Variants in DSTN observed in about 807,000 individuals in gnomAD.
The protein encoded by DSTN is destrin, actin depolymerizing factor.
Under a neutral mutation model 16.8 loss-of-function variants are expected in DSTN, and 10 were observed. The ratio of observed to expected loss-of-function variants is 0.60; its 90% confidence interval spans 0.37 to 1.01. DSTN has a LOEUF of 1.01. Among genes scored for constraint, DSTN ranks in the 50% least tolerant of loss-of-function variants. The probability of loss-of-function intolerance (pLI) is 0.01; values close to 1 mark genes in which losing one functional copy is unlikely to be tolerated. For missense variants in DSTN, 141 were observed against 196.7 expected (o/e 0.72, Z 1.69); for synonymous variants, 57 against 58.9 (o/e 0.97, Z 0.14).
chr20:17,572,532 TG>T (rs2035218853), intron 1 of DSTN, among the ~76,000 whole-genome samples: 1 of 152,176 alleles, frequency 6.6e-6, no homozygotes, highest in Non-Finnish European at 1.5e-5. Flanking sequence ...GTCTTGCCCC[TG>T]AAGTAGAGTT....
chr20:17,597,613 T>G (rs1293761259), intron 1 of DSTN, among the ~76,000 whole-genome samples: 1 of 152,218 alleles, frequency 6.6e-6, no homozygotes, highest in Non-Finnish European at 1.5e-5. Context: ...CCCCTGGCTC[T>G]CCATTGTCTT....
intron 1 of DSTN, among the ~76,000 whole-genome samples, chr20:17,572,551 T>G (rs1328996465): frequency 6.6e-6 from 1 of 152,126 alleles, no homozygotes; most frequent in African/African-American, 2.4e-5. Flanking sequence ...GTTAAAAGGT[T>G]TGCACGATAA....
intron 1 of DSTN, among the ~76,000 whole-genome samples, chr20:17,585,437 T>G (rs1388633133): frequency 6.6e-6 from 1 of 152,172 alleles, no homozygotes; most frequent in Admixed American, 6.5e-5. Flanking sequence ...CAGAGAGAAC[T>G]AAGACAGCTT....
chr20:17,587,646 C>CT (rs1568734321), intron 1 of DSTN, among the ~76,000 whole-genome samples: 1 of 148,604 alleles, frequency 6.7e-6, no homozygotes, highest in African/African-American at 2.5e-5. Flanking sequence ...TTTTTTTTTT[C>CT]TTTTTTTCTC....
intron 1 of DSTN, among the ~76,000 whole-genome samples, chr20:17,587,381 A>G (rs2035422254): frequency 6.6e-6 from 1 of 152,112 alleles, no homozygotes; most frequent in Non-Finnish European, 1.5e-5. Context: ...ATCCTCCCTC[A>G]TCACCTGAGT....
At chr20:17,601,503 C>T (rs1233991757) in intron 2 of DSTN, among the ~76,000 whole-genome samples, 1 of 152,160 alleles carries the variant, frequency 6.6e-6, no homozygotes, top group African/African-American at 2.4e-5. Flanking sequence ...ATAATTTGCT[C>T]TACAGTTGCA....
chr20:17,605,344 G>A (rs536015467), intron 3 of DSTN: 76 of 341,216 alleles, frequency 2.2e-4, no homozygotes, highest in African/African-American at 1.6e-3. Flanking sequence ...CTCAGCTGTA[G>A]AAGGGGAGAC....
rs6044904 is a variant in DSTN at position 17,609,374 on chromosome 20, T to A, written c.*2228T>A. On this transcript the variant is annotated 3_prime_UTR_variant, in exon 4 of 4. Coordinates refer to ENST00000246069, the MANE Select transcript of DSTN (RefSeq NM_006870.4). Reference sequence around the variant, plus strand: ...GTGAGCCACTGTGTCCTGCTAGTGATTGTGATTAACAGGCCTCCAGGGAAG... The same window carrying A: ...GTGAGCCACTGTGTCCTGCTAGTGAATGTGATTAACAGGCCTCCAGGGAAG... 51,959 of 151,984 alleles carry A rather than the reference T, an allele frequency of 0.34. 9,476 individuals are homozygous for A. The highest frequency in any genetic ancestry group is 0.62 in the East Asian group (3,229 of 5,172). 9.4% of individuals were successfully genotyped at this position (151,984 alleles called of 1,614,324 possible). A position where few individuals can be genotyped will look rare whatever the true frequency, so the allele number is the denominator to read the frequency against.
In DSTN at chr20:17,608,331, AATT is replaced by A. The variant is rs1168930620; in HGVS notation, c.*1187_*1189del. The A allele has an allele frequency of 1.3e-5, 2 of 152,192 alleles. No homozygotes were observed. Among genetic ancestry groups the A allele is most frequent in the Non-Finnish European group, 2.9e-5 (2 of 68,050 alleles). 9.4% of individuals were successfully genotyped at this position (152,192 alleles called of 1,614,324 possible). ...GCATTGAGGTTTGGGTATTTCCAAT[AATT>A]AAGAGTTAAGGTTGGCTGAGTGTGG... is the stretch of plus-strand genomic sequence containing the variant. On this transcript the variant is annotated 3_prime_UTR_variant, in exon 4 of 4. Coordinates refer to ENST00000246069, the MANE Select transcript of DSTN (RefSeq NM_006870.4).
At chr20:17,592,858 T>C (rs1399679410) in intron 1 of DSTN, among the ~76,000 whole-genome samples, 1 of 152,232 alleles carries the variant, frequency 6.6e-6, no homozygotes, top group Non-Finnish European at 1.5e-5. Flanking sequence ...TCCTTAGTAA[T>C]GCTGCCACTA....
chr20:17,571,279 A>T (rs948471608), intron 1 of DSTN, among the ~76,000 whole-genome samples: 2 of 152,246 alleles, frequency 1.3e-5, no homozygotes, highest in African/African-American at 4.8e-5. Context: ...ATTACACTGT[A>T]ATTGCATCTG....
intron 1 of DSTN, among the ~76,000 whole-genome samples, chr20:17,577,045 A>G (rs1382496539): frequency 6.6e-6 from 1 of 152,238 alleles, no homozygotes. Context: ...ACTTTCACAC[A>G]TAGAATTATT....
At chr20:17,583,343 A>T (rs548249911) in intron 1 of DSTN, among the ~76,000 whole-genome samples, 2 of 152,312 alleles carry the variant, frequency 1.3e-5, no homozygotes, top group Admixed American at 6.5e-5. Flanking sequence ...TCCTACCTAC[A>T]TATCCAAGCA....
At chr20:17,586,013 AGAGAG>A (rs907346974) in intron 1 of DSTN, among the ~76,000 whole-genome samples, 1 of 151,570 alleles carries the variant, frequency 6.6e-6, no homozygotes, top group Non-Finnish European at 1.5e-5. Context: ...ACAAAAAAGA[AGAGAG>A]AGAGAGAGAA....
chr20:17,603,748 A>T (rs1256868483), intron 2 of DSTN, among the ~76,000 whole-genome samples: 4 of 152,278 alleles, frequency 2.6e-5, no homozygotes, highest in Admixed American at 6.5e-5. Flanking sequence ...TAGTAATAAT[A>T]TTGACAGTTA....
intron 1 of DSTN, among the ~76,000 whole-genome samples, chr20:17,582,490 C>T (rs912358143): frequency 6.6e-6 from 1 of 152,184 alleles, no homozygotes; most frequent in African/African-American, 2.4e-5. Flanking sequence ...GAGTGACTAT[C>T]TGGAGACTGC....
At chr20:17,584,471 G>A (rs892136779) in intron 1 of DSTN, among the ~76,000 whole-genome samples, 1 of 152,062 alleles carries the variant, frequency 6.6e-6, no homozygotes, top group Non-Finnish European at 1.5e-5. Context: ...CCAACATGGA[G>A]AAACCCCATC....
In DSTN at chr20:17,608,682, C is replaced by T. The variant is rs529010586; in HGVS notation, c.*1536C>T. On this transcript the variant is annotated 3_prime_UTR_variant, in exon 4 of 4. Coordinates refer to ENST00000246069, the MANE Select transcript of DSTN (RefSeq NM_006870.4). ...AGAAAGTTGGTGTAAAAGTTGGGAA[C>T]GTTTTCAATGTTTATTACACTATAA... 7 of 149,920 alleles carry T rather than the reference C, an allele frequency of 4.7e-5. No homozygotes were observed. Among genetic ancestry groups the T allele is most frequent in the East Asian group, 2.0e-4 (1 of 5,110 alleles). 9.3% of individuals were successfully genotyped at this position (149,920 alleles called of 1,614,324 possible).
At chr20:17,589,212 C>T (rs1437377526) in intron 1 of DSTN, among the ~76,000 whole-genome samples, 1 of 151,830 alleles carries the variant, frequency 6.6e-6, no homozygotes, top group Admixed American at 6.6e-5. Context: ...AACCCTCCCT[C>T]CCCCTACTTT....
Sources: gnomAD v4.1 joint callset for allele counts (sites outside exome capture counted in the v4.1 genomes callset) on GRCh38, gnomAD v4.1.1 for gene constraint, MANE v1.5 for transcripts, NCBI Gene and HGNC (gene_info 2026-07-23, HGNC 2026-07-21) for gene names.